Variants in NRXN1 observed in about 807,000 individuals in gnomAD.
The protein encoded by NRXN1 is neurexin 1, also known as neurexin-1.
In NRXN1, 39 loss-of-function variants were observed where a neutral mutation model predicts 150.9. The ratio of observed to expected loss-of-function variants is 0.26; its 90% CI spans 0.20 to 0.34. The LOEUF (loss-of-function observed/expected upper bound fraction) is 0.34. Ranked by LOEUF, NRXN1 falls within the 10% of genes least tolerant of loss-of-function variation. The probability of loss-of-function intolerance (pLI) is 1.00; values close to 1 mark genes in which losing one functional copy is unlikely to be tolerated. For missense variants in NRXN1, 1,815 were observed against 1,949.9 expected, an observed-to-expected ratio of 0.93 and a Z score of 1.30; for synonymous variants, 924 against 757.0, an observed-to-expected ratio of 1.22 and a Z score of -3.62.
intron 21 of NRXN1, among the ~76,000 whole-genome samples, chr2:49,950,836 T>C (rs1230808144): frequency 1.3e-5 from 2 of 151,966 alleles, no homozygotes; most frequent in Non-Finnish European, 2.9e-5. Context: ...TTCATGAATA[T>C]GTAGGGCAAA....
chr2:50,942,392 G>A (rs1689598555), intron 2 of NRXN1, among the ~76,000 whole-genome samples: 2 of 152,152 alleles, frequency 1.3e-5, no homozygotes, highest in African/African-American at 2.4e-5. Flanking sequence ...CCAGACCCCA[G>A]AATGGTAGAT....
chr2:50,321,861 A>G (rs1416318693), intron 17 of NRXN1, among the ~76,000 whole-genome samples: 1 of 152,128 alleles, frequency 6.6e-6, no homozygotes, highest in Non-Finnish European at 1.5e-5. Flanking sequence ...GAAAATACTT[A>G]CATGCCAGAT....
At chr2:50,551,050 G>GGAAGAGGAAGAGGAAGAAGAA (rs1335681510) in intron 9 of NRXN1, among the ~76,000 whole-genome samples, 3 of 78,986 alleles carry the variant, frequency 3.8e-5, no homozygotes, top group African/African-American at 7.3e-5. Context: ...AAGAGGAAGA[G>GGAAGAGGAAGAGGAAGAAGAA]GAAGAAGAAG....
chr2:50,452,999 G>C (rs2087143476), intron 17 of NRXN1, among the ~76,000 whole-genome samples: 1 of 152,092 alleles, frequency 6.6e-6, no homozygotes, highest in Non-Finnish European at 1.5e-5. Context: ...TAATCAAAAT[G>C]AAATTTTGTA....
At chr2:50,196,422 T>G (rs1261235821) in intron 18 of NRXN1, among the ~76,000 whole-genome samples, 1 of 152,146 alleles carries the variant, frequency 6.6e-6, no homozygotes, top group Non-Finnish European at 1.5e-5. Flanking sequence ...CCTCATCAAA[T>G]TTTATTTATG....
At chr2:50,885,820 A>AACC (rs1680145676) in intron 5 of NRXN1, among the ~76,000 whole-genome samples, 1 of 143,752 alleles carries the variant, frequency 7.0e-6, no homozygotes. Context: ...TATTTCTATA[A>AACC]ACACACACAC....
intron 2 of NRXN1, among the ~76,000 whole-genome samples, chr2:50,958,281 G>T (rs1692591916): frequency 1.3e-5 from 2 of 152,036 alleles, no homozygotes; most frequent in Admixed American, 6.6e-5. Context: ...AGCTTTCTGT[G>T]TACCCAGTAG....
chr2:50,366,528 C>G (rs551620964), intron 17 of NRXN1, among the ~76,000 whole-genome samples: 1 of 152,018 alleles, frequency 6.6e-6, no homozygotes, highest in East Asian at 1.9e-4. Context: ...GGGAAGTGCA[C>G]AGAGTAGCAA....
At chr2:50,009,640 G>C (rs764385538) in intron 21 of NRXN1, among the ~76,000 whole-genome samples, 1 of 151,902 alleles carries the variant, frequency 6.6e-6, no homozygotes. Flanking sequence ...CATTACTTTT[G>C]GTAATTAAAA....
chr2:50,127,638 C>T (rs1558934510), intron 18 of NRXN1, among the ~76,000 whole-genome samples: 2 of 152,204 alleles, frequency 1.3e-5, no homozygotes, highest in South Asian at 2.1e-4. Context: ...ACTTATCTCT[C>T]AATTTAGGAG....
chr2:50,308,351 T>G (rs1485404888), intron 17 of NRXN1, among the ~76,000 whole-genome samples: 1 of 151,910 alleles, frequency 6.6e-6, no homozygotes, highest in African/African-American at 2.4e-5. Flanking sequence ...GTTTTTAGAG[T>G]CAGAGTGTTA....
chr2:50,628,722 A>T (rs1268760414), intron 5 of NRXN1, among the ~76,000 whole-genome samples: 6 of 151,668 alleles, frequency 4.0e-5, no homozygotes, highest in African/African-American at 9.7e-5. Flanking sequence ...TATGTGCTAA[A>T]ACAACGAAAA....
intron 17 of NRXN1, among the ~76,000 whole-genome samples, chr2:50,321,060 A>G (rs577170092): frequency 6.6e-6 from 1 of 152,300 alleles, no homozygotes; most frequent in South Asian, 2.1e-4. Flanking sequence ...GGAAGCAAAG[A>G]GAAAATCATC....
chr2:49,949,245 T>G (rs1354730707), intron 21 of NRXN1, among the ~76,000 whole-genome samples: 1 of 151,948 alleles, frequency 6.6e-6, no homozygotes, highest in African/African-American at 2.4e-5. Context: ...GGGGGGAATT[T>G]AGAGAAACAC....
intron 13 of NRXN1, among the ~76,000 whole-genome samples, chr2:50,504,827 C>T (rs2092138125): frequency 6.6e-6 from 1 of 152,188 alleles, no homozygotes; most frequent in African/African-American, 2.4e-5. Flanking sequence ...GCACCATGCA[C>T]TTGCAAGAAG....
intron 8 of NRXN1, among the ~76,000 whole-genome samples, chr2:50,611,979 T>C (rs1678228657): frequency 6.6e-6 from 1 of 152,164 alleles, no homozygotes; most frequent in African/African-American, 2.4e-5. Context: ...TTCTTTTCCC[T>C]AAAGGTTCCT....
intron 5 of NRXN1, among the ~76,000 whole-genome samples, chr2:50,864,530 C>G (rs1204553367): frequency 6.6e-6 from 1 of 151,958 alleles, no homozygotes; most frequent in Non-Finnish European, 1.5e-5. Context: ...CCATACTATG[C>G]AGCAAGCACT....
At chr2:50,463,188 T>C (rs1230799068) in intron 17 of NRXN1, among the ~76,000 whole-genome samples, 1 of 151,848 alleles carries the variant, frequency 6.6e-6, no homozygotes, top group Non-Finnish European at 1.5e-5. Flanking sequence ...AACAGTGAGA[T>C]GTACAGACAA....
intron 5 of NRXN1, among the ~76,000 whole-genome samples, chr2:50,666,218 T>G (rs944321158): frequency 3.9e-5 from 6 of 152,138 alleles, no homozygotes; most frequent in African/African-American, 1.4e-4. Context: ...ATCTATGATA[T>G]GCACATCAGT....
Sources: gnomAD v4.1 joint callset for allele counts (sites outside exome capture counted in the v4.1 genomes callset) on GRCh38, gnomAD v4.1.1 for gene constraint, MANE v1.5 for transcripts, NCBI Gene and HGNC (gene_info 2026-07-23, HGNC 2026-07-21) for gene names.